The following CCAR1 variants were observed in gnomAD, a reference collection of about 807,000 sequenced individuals.
The protein encoded by CCAR1 is cell division cycle and apoptosis regulator protein 1.
In CCAR1, 78 loss-of-function variants were observed where a neutral mutation model predicts 163.8. That is an observed-to-expected ratio of 0.48 (90% CI 0.40 to 0.57). CCAR1 has a LOEUF of 0.57. Ranked by LOEUF, CCAR1 falls within the 20% of genes least tolerant of loss-of-function variation. The probability of loss-of-function intolerance (pLI) is 0.00; values close to 1 mark genes in which losing one functional copy is unlikely to be tolerated. For synonymous variants in CCAR1, 443 were observed against 460.7 expected, an observed-to-expected ratio of 0.96 and a Z score of 0.49; for missense variants, 1,019 against 1,365.2, an observed-to-expected ratio of 0.75 and a Z score of 4.00.
chr10:68,722,100 C>T (rs1449374250), intron 1 of CCAR1, among the ~76,000 whole-genome samples: 1 of 152,150 alleles, frequency 6.6e-6, no homozygotes, highest in African/African-American at 2.4e-5. Flanking sequence ...AAGAAACACG[C>T]AGGCTGTATT....
chr10:68,722,236 T>C (rs1273561871), intron 1 of CCAR1, among the ~76,000 whole-genome samples: 2 of 152,218 alleles, frequency 1.3e-5, no homozygotes, highest in Non-Finnish European at 2.9e-5. Context: ...CCTCTAATGT[T>C]ATCTTGTAAA....
intron 10 of CCAR1, among the ~76,000 whole-genome samples, chr10:68,752,888 ATAG>A (rs2056349900): frequency 6.7e-5 from 2 of 29,680 alleles, no homozygotes; most frequent in African/African-American, 1.3e-4. Context: ...GATAGAATAG[ATAG>A]ATAGATAGAT....
Position 68,784,714 on chromosome 10 carries a change from C to A in CCAR1, c.2651-1422C>A, listed in dbSNP as rs182653532. Among the ~76,000 whole-genome samples the A allele has an allele frequency of 2.8e-3, 420 of 152,042 alleles. 3 individuals carry two copies. The highest frequency in any genetic ancestry group is 9.4e-3 in the African/African-American group (392 of 41,496). On this transcript the variant is annotated intron_variant, in intron 19 of 24. Transcript: ENST00000265872. ...CAGGCATGCGCTACTTAGTCTGACTCATTTTTTAAATTATTTTTGTAGAGA... is the reference window on the plus strand; with the variant it reads ...CAGGCATGCGCTACTTAGTCTGACTAATTTTTTAAATTATTTTTGTAGAGA...
chr10:68,733,234 A>G (rs1367258055), intron 2 of CCAR1, among the ~76,000 whole-genome samples: 3 of 151,652 alleles, frequency 2.0e-5, no homozygotes, highest in African/African-American at 7.3e-5. Flanking sequence ...ACATAGTGGG[A>G]CCCTGTCTTT....
chr10:68,742,993 C>T (rs1447286702), intron 6 of CCAR1, among the ~76,000 whole-genome samples: 1 of 147,176 alleles, frequency 6.8e-6, no homozygotes, highest in Admixed American at 6.8e-5. Flanking sequence ...AGTGCAGTGG[C>T]GTGATCTTGG....
intron 17 of CCAR1, among the ~76,000 whole-genome samples, chr10:68,767,403 G>T (rs7899902): frequency 6.6e-6 from 1 of 151,752 alleles, no homozygotes; most frequent in Non-Finnish European, 1.5e-5. Flanking sequence ...GGGTAGCTGA[G>T]ATTACAGGCA....
intron 19 of CCAR1, chr10:68,774,954 T>G (rs144061009): frequency 0.011 from 4,212 of 392,520 alleles, 73 homozygotes; most frequent in South Asian, 0.036. Context: ...TTTTACAGTT[T>G]GTGTCTCTGG....
At chr10:68,757,760 C>T (rs1198607003) in intron 15 of CCAR1, among the ~76,000 whole-genome samples, 1 of 151,202 alleles carries the variant, frequency 6.6e-6, no homozygotes, top group Non-Finnish European at 1.5e-5. Flanking sequence ...TTTTATAAAT[C>T]AGTACAGCCA....
chr10:68,776,801 G>T (rs2056672724), intron 19 of CCAR1, among the ~76,000 whole-genome samples: 2 of 152,016 alleles, frequency 1.3e-5, no homozygotes, highest in Admixed American at 1.3e-4. Context: ...CCTCTGCCTT[G>T]GCCTCCCAAA....
At chr10:68,767,913 G>A (rs1006985087) in intron 17 of CCAR1, among the ~76,000 whole-genome samples, 14 of 152,186 alleles carry the variant, frequency 9.2e-5, no homozygotes, top group Non-Finnish European at 1.3e-4. Flanking sequence ...ATCTTTAAGT[G>A]TAATTGCTTC....
chr10:68,774,365 TGCTG>T (rs2056638041), intron 19 of CCAR1, among the ~76,000 whole-genome samples: 1 of 152,040 alleles, frequency 6.6e-6, no homozygotes, highest in Non-Finnish European at 1.5e-5. Flanking sequence ...GGGCTGGGTG[TGCTG>T]GCTCATGCCT....
chr10:68,747,301 T>C (rs1564535942), intron 7 of CCAR1, 26 bp downstream of exon 7: 1 of 1,582,372 alleles, frequency 6.3e-7, no homozygotes, highest in Admixed American at 1.7e-5. Flanking sequence ...AGTTAGGTAT[T>C]ATAGAAGCTT....
chr10:68,769,907 C>T (rs950413809), intron 17 of CCAR1, among the ~76,000 whole-genome samples: 3 of 146,148 alleles, frequency 2.1e-5, no homozygotes, highest in African/African-American at 7.7e-5. Flanking sequence ...CGCCACTGCA[C>T]TCCAGCCTTG....
chr10:68,753,208 G>A (rs895324620), intron 10 of CCAR1, among the ~76,000 whole-genome samples: 2 of 150,400 alleles, frequency 1.3e-5, no homozygotes, highest in African/African-American at 4.9e-5. Flanking sequence ...AAAAGGAAAT[G>A]ATCCTTTAAA....
At chr10:68,739,395 C>T (rs2056154047) in intron 4 of CCAR1, among the ~76,000 whole-genome samples, 1 of 152,048 alleles carries the variant, frequency 6.6e-6, no homozygotes, top group Admixed American at 6.6e-5. Flanking sequence ...GTGATCCACC[C>T]ACCTTGGCCT....
chr10:68,791,180 A>AT (rs1564556906), intron 24 of CCAR1, 27 bp from the exon 25 acceptor site: 2 of 1,357,346 alleles, frequency 1.5e-6, no homozygotes, highest in East Asian at 2.4e-5. Context: ...AATAAAATGT[A>AT]TTTTTTCCTT....
intron 10 of CCAR1, among the ~76,000 whole-genome samples, chr10:68,752,397 A>G (rs950851639): frequency 6.6e-6 from 1 of 152,162 alleles, no homozygotes; most frequent in African/African-American, 2.4e-5. Context: ...TTGTACTTAT[A>G]TCTTTTGTTT....
chr10:68,744,028 C>T (rs1463795099), intron 6 of CCAR1, among the ~76,000 whole-genome samples: 1 of 152,092 alleles, frequency 6.6e-6, no homozygotes, highest in Non-Finnish European at 1.5e-5. Context: ...GGATTACAGG[C>T]GTAAGCCACT....
rs2056400686 is a variant in CCAR1, at chr10:68,756,742, A to G, written c.1836+259A>G. On this transcript the variant is annotated intron_variant, in intron 14 of 24. Coordinates refer to ENST00000265872, the MANE Select transcript of CCAR1 (RefSeq NM_018237.4). This position sits in a 1 kb window ranked among gnomAD's most constrained non-coding sequence, Gnocchi z 5.1. ...AATTGCACAGAATTTTGTTTTTATC[A>G]TAGGTCTAGTTGCTGGAATCTGGGA... 3.9e-6 allele frequency: 2 copies of G among 513,190 alleles called. No individual in the cohort carries two copies. Among genetic ancestry groups the G allele is most frequent in the South Asian group, 1.9e-5 (1 of 52,244 alleles). 31.8% of individuals were successfully genotyped at this position (513,190 alleles called of 1,614,324 possible). A position where few individuals can be genotyped will look rare whatever the true frequency, so the allele number is the denominator to read the frequency against.
Sources: gnomAD v4.1 joint callset for allele counts (sites outside exome capture counted in the v4.1 genomes callset) on GRCh38, gnomAD v4.1.1 for gene constraint, Gnocchi (gnomAD v3.1) non-coding constraint, MANE v1.5 for transcripts, NCBI Gene and HGNC (gene_info 2026-07-23, HGNC 2026-07-21) for gene names.